ZNF804B: variants seen among roughly 807,000 people sequenced by gnomAD.
ZNF804B encodes zinc finger 804B.
In ZNF804B, 80 loss-of-function variants were observed where a neutral mutation model predicts 101.4. The observed-to-expected ratio is 0.79, with a 90% CI of 0.66 to 0.95. ZNF804B has a LOEUF of 0.95. Ranked by LOEUF, ZNF804B falls within the 40% of genes least tolerant of loss-of-function variation. The probability of loss-of-function intolerance (pLI) is 0.00; values close to 1 mark genes in which losing one functional copy is unlikely to be tolerated. For synonymous variants in ZNF804B, 622 were observed against 558.8 expected (o/e 1.11, Z -1.59); for missense variants, 1,673 against 1,561.9 (o/e 1.07, Z -1.20).
At chr7:89,280,753 G>A (rs1371871790) in intron 2 of ZNF804B, among the ~76,000 whole-genome samples, 1 of 152,178 alleles carries the variant, frequency 6.6e-6, no homozygotes, top group Non-Finnish European at 1.5e-5. Context: ...TGAAATTGTG[G>A]CAATAATCAA....
At chr7:89,258,428 A>G (rs1789666843) in intron 2 of ZNF804B, among the ~76,000 whole-genome samples, 1 of 152,214 alleles carries the variant, frequency 6.6e-6, no homozygotes, top group Non-Finnish European at 1.5e-5. Context: ...ATAGCATGGC[A>G]GCTTAATTTT....
At chr7:89,189,342 A>G (rs1197410345) in intron 1 of ZNF804B, among the ~76,000 whole-genome samples, 7 of 152,138 alleles carry the variant, frequency 4.6e-5, no homozygotes, top group Admixed American at 3.9e-4. Flanking sequence ...ATGAAGATGT[A>G]TAAGGAGACT....
At chr7:88,803,938 G>A (rs1272823534) in intron 1 of ZNF804B, among the ~76,000 whole-genome samples, 1 of 151,968 alleles carries the variant, frequency 6.6e-6, no homozygotes, top group Non-Finnish European at 1.5e-5. Context: ...CAGTGAAAGA[G>A]GCAACAACAA....
intron 1 of ZNF804B, among the ~76,000 whole-genome samples, chr7:88,876,703 A>T (rs1791945020): frequency 6.6e-6 from 1 of 152,014 alleles, no homozygotes; most frequent in Non-Finnish European, 1.5e-5. Context: ...AAAAAGCTGT[A>T]AACTCCTTGA....
intron 1 of ZNF804B, among the ~76,000 whole-genome samples, chr7:88,818,782 A>T (rs922890864): frequency 6.6e-6 from 1 of 152,206 alleles, no homozygotes; most frequent in Admixed American, 6.5e-5. Context: ...TGATATCATT[A>T]TCTGTATAGT....
intron 1 of ZNF804B, among the ~76,000 whole-genome samples, chr7:88,849,806 T>A (rs774940072): frequency 2.5e-4 from 38 of 151,736 alleles, no homozygotes; most frequent in Non-Finnish European, 4.6e-4. Context: ...TATGAAAATT[T>A]AAAAAAATAA....
At chr7:88,782,753 G>A (rs1439428561) in intron 1 of ZNF804B, among the ~76,000 whole-genome samples, 1 of 152,128 alleles carries the variant, frequency 6.6e-6, no homozygotes, top group East Asian at 1.9e-4. Flanking sequence ...TGGTGCTTCT[G>A]TGAGTAGAAC....
intron 1 of ZNF804B, among the ~76,000 whole-genome samples, chr7:88,873,697 G>A (rs1791877031): frequency 6.6e-6 from 1 of 152,158 alleles, no homozygotes. Context: ...TGGCGAGCCA[G>A]TTCTCCCAGC....
intron 1 of ZNF804B, among the ~76,000 whole-genome samples, chr7:89,198,800 G>A (rs760353582): frequency 6.7e-5 from 10 of 149,482 alleles, no homozygotes; most frequent in Non-Finnish European, 1.5e-4. Context: ...TCCAGCCAAA[G>A]GCAGAAATCC....
At position 89,337,215 on chromosome 7, in the gene ZNF804B, C is replaced by T. The variant is rs187053158; in HGVS notation, c.*183C>T. On this transcript the variant is annotated 3_prime_UTR_variant, in exon 4 of 4. Transcript: ENST00000333190. ...CAAGAGCATTTTAATAATTTTTTAG[C>T]TTGCCAAAATAATAGGCAAATTTGA... is the stretch of plus-strand genomic sequence containing the variant. Among the ~76,000 whole-genome samples, 1,411 of 152,118 alleles carry T rather than the reference C, an allele frequency of 9.3e-3. 25 individuals are homozygous for T. Among genetic ancestry groups the T allele is most frequent in the African/African-American group, 0.032 (1,339 of 41,524 alleles).
At chr7:88,776,560 G>GTTTTTTTTTTTTTTTTTTTTTTT in intron 1 of ZNF804B, among the ~76,000 whole-genome samples, 1 of 75,112 alleles carries the variant, frequency 1.3e-5, no homozygotes. Context: ...GTGGTGTTTT[G>GTTTTTTTTTTTTTTTTTTTTTTT]TTTTTTTTTT....
chr7:89,136,397 T>C (rs1294919195), intron 1 of ZNF804B, among the ~76,000 whole-genome samples: 2 of 152,152 alleles, frequency 1.3e-5, no homozygotes, highest in African/African-American at 2.4e-5. Context: ...TAATAATTGT[T>C]GAATGTACAA....
chr7:89,034,384 A>G (rs1300119803), intron 1 of ZNF804B, among the ~76,000 whole-genome samples: 1 of 151,992 alleles, frequency 6.6e-6, no homozygotes, highest in Non-Finnish European at 1.5e-5. Context: ...ATTTCTCCTA[A>G]TGCTATCCCT....
chr7:88,960,536 A>G (rs1317946622), intron 1 of ZNF804B, among the ~76,000 whole-genome samples: 2 of 149,470 alleles, frequency 1.3e-5, no homozygotes, highest in African/African-American at 2.5e-5. Flanking sequence ...GAGGGATAAG[A>G]AATGGGGCAA....
chr7:88,854,497 CTTTCCT>C (rs1791514897), intron 1 of ZNF804B, among the ~76,000 whole-genome samples: 1 of 77,544 alleles, frequency 1.3e-5, no homozygotes, highest in African/African-American at 7.4e-5. Flanking sequence ...CTTTCCTTTC[CTTTCCT>C]TTCCTTTCCT....
intron 1 of ZNF804B, among the ~76,000 whole-genome samples, chr7:88,836,211 G>C (rs1340958857): frequency 6.6e-6 from 1 of 151,928 alleles, no homozygotes; most frequent in Non-Finnish European, 1.5e-5. Context: ...TGTTGGGGCA[G>C]ACTTGAACCT....
At chr7:89,288,017 C>T (rs1298620855) in intron 2 of ZNF804B, among the ~76,000 whole-genome samples, 1 of 150,464 alleles carries the variant, frequency 6.6e-6, no homozygotes, top group Non-Finnish European at 1.5e-5. Context: ...TTCAGCATAC[C>T]ATCAAAATTA....
chr7:88,963,237 T>C (rs947472147), intron 1 of ZNF804B, among the ~76,000 whole-genome samples: 1 of 151,250 alleles, frequency 6.6e-6, no homozygotes, highest in Non-Finnish European at 1.5e-5. Context: ...AAAACAAAGT[T>C]GAGAGACTCA....
At chr7:89,309,759 C>CAAAAAAAAAA (rs397791531) in intron 2 of ZNF804B, among the ~76,000 whole-genome samples, 30 of 70,792 alleles carry the variant, frequency 4.2e-4, no homozygotes, top group African/African-American at 6.4e-4. Context: ...GACCCTGTCT[C>CAAAAAAAAAA]AAAAAAAAAA....
Sources: allele counts gnomAD v4.1 joint callset (sites outside exome capture counted in the v4.1 genomes callset), GRCh38; gene constraint gnomAD v4.1.1; transcripts MANE v1.5; gene names NCBI Gene and HGNC (gene_info 2026-07-23, HGNC 2026-07-21).